The following HMGCS1 variants were observed in gnomAD, a reference collection of about 807,000 sequenced individuals.
HMGCS1 encodes hydroxymethylglutaryl-CoA synthase, cytoplasmic.
In HMGCS1, 9 loss-of-function variants were observed where a neutral mutation model predicts 52.3. The observed-to-expected ratio is 0.17, with a 90% CI of 0.10 to 0.30. The LOEUF (loss-of-function observed/expected upper bound fraction) is 0.30, where lower values mean the gene tolerates loss of function less well. Among genes scored for constraint, HMGCS1 ranks in the 10% least tolerant of loss-of-function variants. The pLI, the probability that HMGCS1 is intolerant of heterozygous loss-of-function variation, is 1.00. For synonymous variants in HMGCS1, 176 were observed against 214.4 expected (o/e 0.82, Z 1.57); for missense variants, 320 against 620.9 (o/e 0.52, Z 5.15).
At position 43,289,944 on chromosome 5, in the gene HMGCS1, T is replaced by G. The variant is rs1753666227; in HGVS notation, c.*1187A>C. ...ACCAAAAAGATCTACACAAAACTGT[T>G]TAACCAATCTTCTTATCTATCCTGT... On this transcript the variant is annotated 3_prime_UTR_variant, in exon 11 of 11. Transcript: ENST00000325110. The G allele has an allele frequency of 6.6e-6, 1 of 152,640 alleles. No homozygotes were observed. Among genetic ancestry groups the G allele is most frequent in the Admixed American group, 6.6e-5 (1 of 15,266 alleles). 9.5% of individuals were successfully genotyped at this position (152,640 alleles called of 1,614,324 possible).
rs1274700701 is a variant in HMGCS1, at chr5:43,288,585, T to A, written c.*2546A>T. On this transcript the variant is annotated 3_prime_UTR_variant, in exon 11 of 11. Transcript: ENST00000325110. ...ATTAGTATCCATAAAAATAAAAACT[T>A]AGGACAAAAGGTTAAGTGTACAAAT... is the stretch of plus-strand genomic sequence containing the variant. 6.6e-6 allele frequency: 1 copy of A among 151,954 alleles called. No individual in the cohort carries two copies. The highest frequency in any genetic ancestry group is 1.5e-5 in the Non-Finnish European group (1 of 67,998). The allele number at this position is 151,954 out of a possible 1,614,324, so 9.4% of individuals were successfully genotyped here.
At chr5:43,309,086 C>G (rs1329242281) in intron 1 of HMGCS1, among the ~76,000 whole-genome samples, 1 of 151,892 alleles carries the variant, frequency 6.6e-6, no homozygotes, top group African/African-American at 2.4e-5. Flanking sequence ...TCTTGAAAAA[C>G]AAGATTCCTT....
At chr5:43,293,881 T>G in intron 8 of HMGCS1, 175 bp downstream of exon 8, 1 of 505,630 alleles carries the variant, frequency 2.0e-6, no homozygotes. Context: ...ACCTGGCTAA[T>G]TTTTGTATTT....
At position 43,297,018 on chromosome 5, in the gene HMGCS1, A is replaced by G; in HGVS notation, c.723T>C (p.His241=). 1.9e-6 allele frequency: 3 copies of G among 1,613,842 alleles called. No individual in the cohort carries two copies. The highest frequency in any genetic ancestry group is 1.7e-6 in the Non-Finnish European group (2 of 1,179,842). ...RCYSVYCKKI[H]AQWQKEGNDK... ...AAAACTTACCTTTCTGCCACTGGGC[A>G]TGGATCTTTTTGCAGTAGACAGAAT... The change falls in exon 5 of 11, where the codon CAT becomes CAC. Residue 241 remains histidine (H), a synonymous_variant. Coordinates refer to ENST00000325110, the MANE Select transcript of HMGCS1 (RefSeq NM_001098272.3).
chr5:43,295,968 TTAAAGTTTGACTTTAGAATAAAGCTAGGA>T, intron 5 of HMGCS1, 51 bp from the exon 6 acceptor site: 1 of 1,420,482 alleles, frequency 7.0e-7, no homozygotes, highest in Non-Finnish European at 9.8e-7. Flanking sequence ...CCATGAAATT[TTAAAGTTTGACTTTAGAATAAAGCTAGGA>T]TATTTGTATA....
chr5:43,297,514 G>T (rs1039381680), intron 4 of HMGCS1, among the ~76,000 whole-genome samples: 1 of 152,144 alleles, frequency 6.6e-6, no homozygotes, highest in African/African-American at 2.4e-5. Context: ...GTAAAGTGGG[G>T]ATGACACCAC....
rs1676687889 is a variant in HMGCS1 at position 43,294,159 on chromosome 5, G to A, written c.1080C>T (p.Tyr360=). 3.8e-6 allele frequency: 6 copies of A among 1,594,994 alleles called. No homozygotes were observed. The highest frequency in any genetic ancestry group is 1.7e-5 in the Admixed American group (1 of 59,974). Reference sequence around the variant, plus strand: ...TCTTCCCTGCTAATTGCTGAGGTGAGTACCTATGTAGGGTGTAACAATAGT... The same window carrying A: ...TCTTCCCTGCTAATTGCTGAGGTGAATACCTATGTAGGGTGTAACAATAGT... ...YGSLASVLAQ[Y]SPQQLAGKRI... is the part of the protein sequence containing the mutation. Residue 360 remains tyrosine, a synonymous_variant, in exon 8 of 11, where the codon TAC becomes TAT. Coordinates refer to ENST00000325110, the MANE Select transcript of HMGCS1 (RefSeq NM_001098272.3).
In HMGCS1 at chr5:43,292,948, T is replaced by G. The variant is rs530208538; in HGVS notation, c.1209A>C (p.Ala403=). The G allele has an allele frequency of 5.6e-6, 9 of 1,602,992 alleles. No homozygotes were observed. The highest frequency in any genetic ancestry group is 7.6e-6 in the Non-Finnish European group (9 of 1,176,716). Residue 403 remains alanine (A), a synonymous_variant, in exon 9 of 11, where the codon GCA becomes GCC. Transcript: ENST00000325110. ...GCCTTGATTTAAGATCACATAAACT[T>G]GCTGTTATTTTATCAAGAGCAGACC... The part of the protein sequence containing the change: ...TPGSALDKIT[A]SLCDLKSRLD...
At chr5:43,299,860 G>A (rs1305978392) in intron 2 of HMGCS1, among the ~76,000 whole-genome samples, 1 of 152,162 alleles carries the variant, frequency 6.6e-6, no homozygotes, top group East Asian at 1.9e-4. Context: ...GGTTGTATTA[G>A]TCAGGAAAAG....
intron 2 of HMGCS1, among the ~76,000 whole-genome samples, chr5:43,304,993 C>CT (rs11455890): frequency 0.65 from 97,958 of 150,448 alleles, 33,812 homozygotes; most frequent in African/African-American, 0.88. Context: ...TCAAATGTTA[C>CT]TTTTTTTTTT....
At chr5:43,306,586 C>A (rs1754587496) in intron 2 of HMGCS1, among the ~76,000 whole-genome samples, 1 of 152,188 alleles carries the variant, frequency 6.6e-6, no homozygotes, top group African/African-American at 2.4e-5. Flanking sequence ...AAAGGAAATG[C>A]TCATTGGAAC....
At chr5:43,292,754 G>C in intron 9 of HMGCS1, 94 bp downstream of exon 9, 1 of 1,511,676 alleles carries the variant, frequency 6.6e-7, no homozygotes, top group Non-Finnish European at 9.1e-7. Flanking sequence ...GATTAGTACT[G>C]AGTAAAGTCT....
intron 2 of HMGCS1, among the ~76,000 whole-genome samples, chr5:43,305,996 C>A (rs1479497073): frequency 2.0e-5 from 3 of 151,964 alleles, no homozygotes; most frequent in Non-Finnish European, 4.4e-5. Flanking sequence ...AAAATACACA[C>A]ATTTTCTTTT....
rs369687979 is a variant in HMGCS1, at chr5:43,291,154, C to G, written c.1540G>C (p.Val514Leu). The G allele has an allele frequency of 1.5e-5, 22 of 1,440,686 alleles. 1 individual carries two copies. Among genetic ancestry groups the G allele is most frequent in the Non-Finnish European group, 2.0e-5 (21 of 1,068,940 alleles). 89.2% of individuals were successfully genotyped at this position (1,440,686 alleles called of 1,614,324 possible). A position where few individuals can be genotyped will look rare whatever the true frequency, so the allele number is the denominator to read the frequency against. The change falls in exon 11 of 11, where the codon GTC becomes CTC. Residue 514 changes from valine to leucine, a missense_variant. Transcript: ENST00000325110. ...TCTTAATGTTCCCCATTACTAATGA[C>G]AGCTGCTTCAGGTTCTGCTGCTGTG... ...PATAAEPEAA[V>L]ISNGEH
chr5:43,306,567 A>T (rs1754586536), intron 2 of HMGCS1, among the ~76,000 whole-genome samples: 1 of 152,200 alleles, frequency 6.6e-6, no homozygotes. Flanking sequence ...GAGCACCAAC[A>T]TGATGCTCAA....
At position 43,299,580 on chromosome 5, in the gene HMGCS1, G is replaced by T. The variant is rs548082136; in HGVS notation, c.-10-605C>A. 2.0e-5 allele frequency among the ~76,000 whole-genome samples: 3 copies of T among 152,086 alleles called. No individual in the cohort carries two copies. In the South Asian group the frequency reaches 6.2e-4, roughly 32 times the overall value. On this transcript the variant is annotated intron_variant, in intron 2 of 10. Coordinates refer to ENST00000325110, the MANE Select transcript of HMGCS1 (RefSeq NM_001098272.3). ...CAGGAGAATGGCGTGAACCCGGGAG[G>T]AGGAGCTTGCAGTGAGCAGAGATCA...
Position 43,290,063 on chromosome 5 carries a change from G to T in HMGCS1, c.*1068C>A, listed in dbSNP as rs1753672121. On this transcript the variant is annotated 3_prime_UTR_variant, in exon 11 of 11. Coordinates refer to ENST00000325110, the MANE Select transcript of HMGCS1 (RefSeq NM_001098272.3). ...CTAGTCAGACTAGGTAAAAACTTGGGTCATACCTTATTTTCATTGAACAGA... is the reference window on the plus strand; with the variant it reads ...CTAGTCAGACTAGGTAAAAACTTGGTTCATACCTTATTTTCATTGAACAGA... 1 of 148,842 alleles carries T rather than the reference G, an allele frequency of 6.7e-6. No homozygotes were observed. 9.2% of individuals were successfully genotyped at this position (148,842 alleles called of 1,614,324 possible).
intron 1 of HMGCS1, among the ~76,000 whole-genome samples, chr5:43,309,308 T>C (rs1165795785): frequency 6.6e-6 from 1 of 151,768 alleles, no homozygotes; most frequent in Non-Finnish European, 1.5e-5. Flanking sequence ...TTCCAGTCAC[T>C]GCTCACTGTA....
At chr5:43,305,032 G>C (rs1754496409) in intron 2 of HMGCS1, among the ~76,000 whole-genome samples, 1 of 152,088 alleles carries the variant, frequency 6.6e-6, no homozygotes, top group South Asian at 2.1e-4. Context: ...TGTTGCCCAG[G>C]CTGGAGTGCA....
Sources: allele counts gnomAD v4.1 joint callset (sites outside exome capture counted in the v4.1 genomes callset), GRCh38; gene constraint gnomAD v4.1.1; transcripts MANE v1.5; gene names NCBI Gene and HGNC (gene_info 2026-07-23, HGNC 2026-07-21).